The following OPCML variants were observed in gnomAD, a reference collection of about 807,000 sequenced individuals.
OPCML encodes opioid-binding protein/cell adhesion molecule.
A neutral mutation model predicts 37.8 loss-of-function variants in OPCML; 13 were observed. That is an observed-to-expected ratio of 0.34 (90% CI 0.22 to 0.55). The LOEUF (loss-of-function observed/expected upper bound fraction) is 0.55, where lower values mean the gene tolerates loss of function less well. Ranked by LOEUF, OPCML falls within the 20% of genes least tolerant of loss-of-function variation. The probability of loss-of-function intolerance (pLI) is 0.91; values close to 1 mark genes in which losing one functional copy is unlikely to be tolerated. For missense variants in OPCML, 341 were observed against 435.6 expected (o/e 0.78, Z 1.93); for synonymous variants, 176 against 168.8 (o/e 1.04, Z -0.33).
chr11:132,751,037 G>A (rs958619601), intron 2 of OPCML, among the ~76,000 whole-genome samples: 3 of 152,068 alleles, frequency 2.0e-5, no homozygotes, highest in African/African-American at 7.2e-5. Context: ...ATTATCAAGT[G>A]GTGTCTCTTC....
At chr11:133,094,129 A>T (rs1948960513) in intron 1 of OPCML, among the ~76,000 whole-genome samples, 1 of 152,220 alleles carries the variant, frequency 6.6e-6, no homozygotes, top group South Asian at 2.1e-4. Flanking sequence ...ATGCAGGTGC[A>T]GCTATAATTA....
rs7934980 is a variant in OPCML, at chr11:133,007,758, C to T, written c.62-64748G>A. On this transcript the variant is annotated intron_variant, in intron 1 of 7. Transcript: ENST00000524381. ...AGGCCCACACAGAGTGGTGAAAAGA[C>T]GCAGGCATAGACATTTTGAATAGTT... The T allele has an allele frequency of 8.1e-4, 794 of 985,376 alleles. 3 individuals carry two copies. In the African/African-American group the frequency reaches 0.012, roughly 15 times the overall value. 61.0% of individuals were successfully genotyped at this position (985,376 alleles called of 1,614,324 possible). A position where few individuals can be genotyped will look rare whatever the true frequency, so the allele number is the denominator to read the frequency against.
intron 2 of OPCML, among the ~76,000 whole-genome samples, chr11:132,718,341 G>A (rs901388997): frequency 6.6e-6 from 1 of 152,086 alleles, no homozygotes; most frequent in African/African-American, 2.4e-5. Flanking sequence ...AAAAGAATGA[G>A]GGCTAAATTA....
intron 1 of OPCML, among the ~76,000 whole-genome samples, chr11:133,483,578 T>G (rs1438631331): frequency 1.3e-5 from 2 of 151,592 alleles, no homozygotes; most frequent in South Asian, 4.2e-4. Flanking sequence ...GAATGGATGA[T>G]AGATTAGATA....
intron 2 of OPCML, among the ~76,000 whole-genome samples, chr11:132,923,840 C>T (rs751258800): frequency 2.0e-5 from 3 of 147,592 alleles, no homozygotes; most frequent in African/African-American, 5.0e-5. Flanking sequence ...ATCGGCTCAC[C>T]GCAACCCCCG....
intron 1 of OPCML, among the ~76,000 whole-genome samples, chr11:133,513,171 T>TA (rs113173258): frequency 0.066 from 9,948 of 150,150 alleles, 1,064 homozygotes; most frequent in African/African-American, 0.22. Context: ...CCCAAACATT[T>TA]AAAAAAAAAA....
At chr11:133,135,401 G>A (rs1949673177) in intron 1 of OPCML, among the ~76,000 whole-genome samples, 1 of 151,000 alleles carries the variant, frequency 6.6e-6, no homozygotes, top group Non-Finnish European at 1.5e-5. Flanking sequence ...TCCTGTGCAA[G>A]AGGTGGGTGT....
chr11:133,091,551 G>C (rs1287491435), intron 1 of OPCML, among the ~76,000 whole-genome samples: 1 of 152,230 alleles, frequency 6.6e-6, no homozygotes, highest in East Asian at 1.9e-4. Context: ...TCCAGGAGGT[G>C]AGACATAGGG....
At chr11:133,127,413 C>T (rs192228473) in intron 1 of OPCML, among the ~76,000 whole-genome samples, 11 of 152,128 alleles carry the variant, frequency 7.2e-5, no homozygotes, top group East Asian at 3.9e-4. Context: ...GCAGGAGCAT[C>T]GCTTGAGCCC....
chr11:132,418,030 A>G lies in OPCML; in HGVS notation c.*2163T>C, dbSNP rs1393334658. On this transcript the variant is annotated 3_prime_UTR_variant, in exon 8 of 8. Transcript: ENST00000524381. ...AGTGCTTAGCATTTAGTGTGCCAAG[A>G]TAGCCTATGTTTGTATGTATGTATA... 6.6e-6 allele frequency: 1 copy of G among 152,210 alleles called. No homozygotes were observed. The highest frequency in any genetic ancestry group is 1.5e-5 in the Non-Finnish European group (1 of 68,050). The allele number at this position is 152,210 out of a possible 1,614,324, so 9.4% of individuals were successfully genotyped here.
intron 3 of OPCML, among the ~76,000 whole-genome samples, chr11:132,592,737 G>C (rs1483825296): frequency 6.6e-6 from 1 of 152,114 alleles, no homozygotes; most frequent in Non-Finnish European, 1.5e-5. Flanking sequence ...CCCAAAAAAA[G>C]GAGTGGTCCA....
At chr11:133,215,190 A>G (rs1565509085) in intron 1 of OPCML, among the ~76,000 whole-genome samples, 1 of 150,680 alleles carries the variant, frequency 6.6e-6, no homozygotes, top group African/African-American at 2.5e-5. Context: ...GTCACATTTT[A>G]AGAGAGAGAG....
At chr11:133,510,593 T>C (rs1467641236) in intron 1 of OPCML, among the ~76,000 whole-genome samples, 1 of 152,218 alleles carries the variant, frequency 6.6e-6, no homozygotes, top group African/African-American at 2.4e-5. Context: ...AGCACTGCCT[T>C]TGTTCCTTTA....
In OPCML at chr11:133,439,752, C is replaced by A. The variant is rs544720848; in HGVS notation, c.61+92512G>T. On this transcript the variant is annotated intron_variant, in intron 1 of 7. Coordinates refer to ENST00000524381, the MANE Select transcript of OPCML (RefSeq NM_001012393.5). Reference sequence around the variant, plus strand: ...AAAGTGCTGGGATTGCAGGTGTGAGCCACCGAGCCCGGCCCAACCTAAGTC... The same window carrying A: ...AAAGTGCTGGGATTGCAGGTGTGAGACACCGAGCCCGGCCCAACCTAAGTC... Among the ~76,000 whole-genome samples, 3 of 152,192 alleles carry A rather than the reference C, an allele frequency of 2.0e-5. No individual in the cohort carries two copies. The East Asian group carries it at 5.8e-4, about 30-fold the overall frequency.
At chr11:133,012,922 G>A (rs1432630579) in intron 1 of OPCML, among the ~76,000 whole-genome samples, 4 of 150,956 alleles carry the variant, frequency 2.6e-5, no homozygotes, top group Non-Finnish European at 4.4e-5. Context: ...CTTTCCCACA[G>A]CATCCTGGAT....
At chr11:132,444,774 C>T (rs569176286) in intron 4 of OPCML, among the ~76,000 whole-genome samples, 4 of 152,280 alleles carry the variant, frequency 2.6e-5, no homozygotes, top group South Asian at 4.2e-4. Flanking sequence ...TAGAACCCTA[C>T]TGGCAACAAG....
intron 2 of OPCML, among the ~76,000 whole-genome samples, chr11:132,671,111 A>G (rs1011397541): frequency 6.6e-6 from 1 of 152,210 alleles, no homozygotes; most frequent in African/African-American, 2.4e-5. Context: ...GTTTTTAAAA[A>G]TAAAACTCTC....
intron 2 of OPCML, among the ~76,000 whole-genome samples, chr11:132,834,345 G>T (rs1013435676): frequency 6.6e-6 from 1 of 152,158 alleles, no homozygotes; most frequent in Non-Finnish European, 1.5e-5. Flanking sequence ...CCCAGTCCGC[G>T]AATGCTAAGT....
chr11:132,812,050 C>T (rs1403201545), intron 2 of OPCML, among the ~76,000 whole-genome samples: 5 of 152,162 alleles, frequency 3.3e-5, no homozygotes, highest in Admixed American at 1.3e-4. Flanking sequence ...CTGGATCCCC[C>T]AGCATTTTAG....
Sources: allele counts gnomAD v4.1 joint callset (sites outside exome capture counted in the v4.1 genomes callset), GRCh38; gene constraint gnomAD v4.1.1; transcripts MANE v1.5; gene names NCBI Gene and HGNC (gene_info 2026-07-23, HGNC 2026-07-21).